Variants in C16orf96 observed in about 807,000 individuals in gnomAD.
C16orf96 encodes the protein uncharacterized protein C16orf96.
Under a neutral mutation model 103.6 loss-of-function variants are expected in C16orf96, and 108 were observed. The ratio of observed to expected loss-of-function variants is 1.04; its 90% CI spans 0.89 to 1.22. C16orf96 has a LOEUF of 1.22. C16orf96 is among the 50% of genes most tolerant of loss of function. The probability of loss-of-function intolerance (pLI) is 0.00; values close to 1 mark genes in which losing one functional copy is unlikely to be tolerated. For synonymous variants in C16orf96, 566 were observed against 593.5 expected, an observed-to-expected ratio of 0.95 and a Z score of 0.67; for missense variants, 1,586 against 1,464.2, an observed-to-expected ratio of 1.08 and a Z score of -1.36.
chr16:4,594,184 G>C (rs1044125907), intron 12 of C16orf96, among the ~76,000 whole-genome samples, 167 bp from the exon 13 acceptor site: 1 of 152,206 alleles, frequency 6.6e-6, no homozygotes, highest in East Asian at 1.9e-4. Flanking sequence ...CCCACTGTGT[G>C]TGTCTGTATC....
At chr16:4,552,481 C>CAAAA (rs58618088), upstream of C16orf96, among the ~76,000 whole-genome samples, 3 of 67,850 alleles carry the variant, frequency 4.4e-5, no homozygotes, top group African/African-American at 8.2e-5. Flanking sequence ...GACTCTGTCT[C>CAAAA]AAAAAAAAAA....
At position 4,594,766 on chromosome 16, in the gene C16orf96, T is replaced by TG; in HGVS notation, c.3094dup (p.Ala1032GlyfsTer25). On this transcript the variant is annotated frameshift_variant, in exon 14 of 16. Coordinates refer to ENST00000444310, the MANE Select transcript of C16orf96 (RefSeq NM_001145011.2). LOFTEE classifies it high-confidence loss of function. ...ACAAAGGCCGCGTGAACAGCCAGCG[T>TG]GGGGCTCAGCCCTTGGCCGTCGCAA... 6.4e-7 allele frequency: 1 copy of TG among 1,550,832 alleles called. No individual in the cohort carries two copies. The highest frequency in any genetic ancestry group is 1.2e-5 in the South Asian group (1 of 84,028).
At chr16:4,588,120 TC>T (rs1458250226) in intron 8 of C16orf96, 46 bp from the exon 9 acceptor site, 1 of 1,531,468 alleles carries the variant, frequency 6.5e-7, no homozygotes, top group Admixed American at 2.0e-5. Flanking sequence ...AGCTTTGCCT[TC>T]CTCCATCCCA....
chr16:4,575,981 G>T lies in C16orf96; in HGVS notation c.1501G>T (p.Asp501Tyr), dbSNP rs867339747. The T allele has an allele frequency of 9.0e-6, 14 of 1,550,280 alleles. No homozygotes were observed. The highest frequency in any genetic ancestry group is 1.2e-5 in the South Asian group (1 of 83,976). ...DRGGKDVDPK[D>Y]RAHKDDVPKD... The stretch of plus-strand genomic sequence containing the variant: ...AGGTGGCAAGGATGTGGACCCCAAG[G>T]ATAGAGCTCACAAGGATGATGTCCC... The change falls in exon 5 of 16, where the codon GAT becomes TAT. Residue 501 changes from aspartate to tyrosine, a missense_variant. Physicochemically the swap from Asp to Tyr is radical, Grantham distance 160. Coordinates refer to ENST00000444310, the MANE Select transcript of C16orf96 (RefSeq NM_001145011.2).
At chr16:4,540,112 C>G in the C16orf96 span, among the ~76,000 whole-genome samples, 1 of 152,300 alleles carries the variant, frequency 6.6e-6, no homozygotes, top group East Asian at 1.9e-4. Context: ...TCTATCTGGG[C>G]AGCCAGGAAG....
chr16:4,577,188 T>G (rs1045651945), intron 5 of C16orf96, among the ~76,000 whole-genome samples: 25 of 151,394 alleles, frequency 1.7e-4, no homozygotes, highest in African/African-American at 6.1e-4. Flanking sequence ...CGAAACTCTG[T>G]CTCAAAAACA....
At chr16:4,594,884 C>T in intron 14 of C16orf96, 81 bp downstream of exon 14, 1 of 1,422,318 alleles carries the variant, frequency 7.0e-7, no homozygotes, top group Non-Finnish European at 9.6e-7. Flanking sequence ...GCAGGTGGGG[C>T]CCAGAGCCAG....
intron 7 of C16orf96, among the ~76,000 whole-genome samples, 186 bp downstream of exon 7, chr16:4,580,311 C>CCT (rs932880169): frequency 5.4e-4 from 12 of 22,268 alleles, no homozygotes; most frequent in Non-Finnish European, 1.0e-3. Flanking sequence ...AATCCCACCA[C>CCT]CCCCCCCCAC....
At chr16:4,562,539 A>T (rs961602786) in intron 1 of C16orf96, among the ~76,000 whole-genome samples, 2 of 151,722 alleles carry the variant, frequency 1.3e-5, no homozygotes, top group Non-Finnish European at 2.9e-5. Flanking sequence ...TATTCACTCA[A>T]TTTTTTTGTT....
At chr16:4,553,234 G>A (rs1229810396), upstream of C16orf96, among the ~76,000 whole-genome samples, 2 of 152,208 alleles carry the variant, frequency 1.3e-5, no homozygotes, top group Non-Finnish European at 2.9e-5. Flanking sequence ...CTGTTGTGAA[G>A]TAGGAACATG....
chr16:4,548,893 A>G, the C16orf96 span, among the ~76,000 whole-genome samples: 1 of 145,896 alleles, frequency 6.9e-6, no homozygotes, highest in South Asian at 2.1e-4. Flanking sequence ...AAAAAAAAAG[A>G]AAAGTGGGAG....
rs1290929833 is a variant in C16orf96, at chr16:4,593,498, G to A, written c.2867+182G>A. On this transcript the variant is annotated intron_variant, in intron 12 of 15. Coordinates refer to ENST00000444310, the MANE Select transcript of C16orf96 (RefSeq NM_001145011.2). The surrounding 1 kb of genome is among the most constrained non-coding windows in gnomAD (Gnocchi z 4.2). ...TGGCTGGGGCGGCAGACAGGCCCACGAGATGATGGCGGAGGGAGGAACTGA... is the reference window on the plus strand; with the variant it reads ...TGGCTGGGGCGGCAGACAGGCCCACAAGATGATGGCGGAGGGAGGAACTGA... 2.6e-5 allele frequency among the ~76,000 whole-genome samples: 4 copies of A among 151,252 alleles called. No individual in the cohort carries two copies. The highest frequency in any genetic ancestry group is 4.2e-4 in the South Asian group (2 of 4,756).
chr16:4,540,983 G>T, the C16orf96 span, among the ~76,000 whole-genome samples: 1 of 146,752 alleles, frequency 6.8e-6, no homozygotes, highest in Non-Finnish European at 1.5e-5. Context: ...GCTCGATCTC[G>T]GCTCACTGCA....
chr16:4,544,058 G>C, the C16orf96 span, among the ~76,000 whole-genome samples: 2 of 152,278 alleles, frequency 1.3e-5, no homozygotes, highest in East Asian at 3.9e-4. Flanking sequence ...AGGACCTGTG[G>C]AAACTAAGGA....
rs1457536200 is a variant in C16orf96, at chr16:4,593,050, C to T, written c.2775-174C>T. Among the ~76,000 whole-genome samples the T allele has an allele frequency of 1.3e-5, 2 of 152,032 alleles. No homozygotes were observed. The highest frequency in any genetic ancestry group is 2.9e-5 in the Non-Finnish European group (2 of 67,998). ...TGATCAGAGGTCCTGAGATGCCTTT[C>T]GGGGGGGCCCCTTCTACTTCTATGC... On this transcript the variant is annotated intron_variant, in intron 11 of 15. Coordinates refer to ENST00000444310, the MANE Select transcript of C16orf96 (RefSeq NM_001145011.2). This position sits in a 1 kb window ranked among gnomAD's most constrained non-coding sequence, Gnocchi z 4.2.
chr16:4,563,040 A>ACAGAGG, intron 1 of C16orf96: 1 of 907,622 alleles, frequency 1.1e-6, no homozygotes, highest in Non-Finnish European at 1.8e-6. Flanking sequence ...CCTCTGTCAG[A>ACAGAGG]AGATGACAGA....
the C16orf96 span, among the ~76,000 whole-genome samples, chr16:4,541,851 C>T: frequency 1.3e-5 from 2 of 152,158 alleles, no homozygotes; most frequent in Admixed American, 1.3e-4. Context: ...AACAGAAACA[C>T]CTATAAACAA....
intron 1 of C16orf96, among the ~76,000 whole-genome samples, chr16:4,567,674 A>C (rs1400025513): frequency 7.3e-6 from 1 of 137,514 alleles, no homozygotes; most frequent in African/African-American, 2.7e-5. Flanking sequence ...GTGAATTTTC[A>C]ATAGTTTCTT....
chr16:4,593,104 T>TG lies in C16orf96; in HGVS notation c.2775-119dup. Reference sequence around the variant, plus strand: ...GGACGCTTCTGGCATTCGAGGGTGGTGACCTGAGTCTGCACCTCCTTCCTC... The same window carrying TG: ...GGACGCTTCTGGCATTCGAGGGTGGTGGACCTGAGTCTGCACCTCCTTCCTC... On this transcript the variant is annotated intron_variant, in intron 11 of 15. Coordinates refer to ENST00000444310, the MANE Select transcript of C16orf96 (RefSeq NM_001145011.2). The surrounding 1 kb of genome is among the most constrained non-coding windows in gnomAD (Gnocchi z 4.2). The TG allele has an allele frequency of 1.1e-6, 1 of 932,500 alleles. No individual in the cohort carries two copies. The highest frequency in any genetic ancestry group is 1.5e-5 in the South Asian group (1 of 67,862). The allele number at this position is 932,500 out of a possible 1,614,324, so 57.8% of individuals were successfully genotyped here.
Sources: gnomAD v4.1 joint callset for allele counts (sites outside exome capture counted in the v4.1 genomes callset) on GRCh38, gnomAD v4.1.1 for gene constraint, Gnocchi (gnomAD v3.1) non-coding constraint, MANE v1.5 for transcripts, NCBI Gene and HGNC (gene_info 2026-07-23, HGNC 2026-07-21) for gene names.